The following ST6GALNAC3 variants were observed in gnomAD, a reference collection of about 807,000 sequenced individuals.
ST6GALNAC3 encodes ST6 N-acetylgalactosaminide alpha-2,6-sialyltransferase 3.
In ST6GALNAC3, 25 loss-of-function variants were observed where a neutral mutation model predicts 32.7. The observed-to-expected ratio is 0.76, with a 90% CI of 0.56 to 1.07. The LOEUF (loss-of-function observed/expected upper bound fraction) is 1.07, where lower values mean the gene tolerates loss of function less well. ST6GALNAC3 is among the 50% of genes least tolerant of loss of function. The probability of loss-of-function intolerance (pLI) is 0.00; values close to 1 mark genes in which losing one functional copy is unlikely to be tolerated. For synonymous variants in ST6GALNAC3, 129 were observed against 133.1 expected, an observed-to-expected ratio of 0.97 and a Z score of 0.21; for missense variants, 355 against 382.4, an observed-to-expected ratio of 0.93 and a Z score of 0.60.
chr1:76,393,127 A>G (rs1429554704), intron 2 of ST6GALNAC3, among the ~76,000 whole-genome samples: 4 of 152,222 alleles, frequency 2.6e-5, no homozygotes, highest in African/African-American at 7.2e-5. Context: ...GAGGAAATCT[A>G]TTGTGAAGTT....
chr1:76,101,163 C>T (rs1647215736), intron 1 of ST6GALNAC3, among the ~76,000 whole-genome samples: 1 of 152,078 alleles, frequency 6.6e-6, no homozygotes, highest in Non-Finnish European at 1.5e-5. Flanking sequence ...GCCTATCCAT[C>T]CCTCCCTTCT....
chr1:76,249,509 A>T, intron 1 of ST6GALNAC3, among the ~76,000 whole-genome samples: 1 of 152,032 alleles, frequency 6.6e-6, no homozygotes, highest in East Asian at 1.9e-4. Context: ...CTATAAAGTT[A>T]CCATATCTTT....
intron 2 of ST6GALNAC3, among the ~76,000 whole-genome samples, chr1:76,405,030 G>A (rs138278023): frequency 4.5e-4 from 69 of 152,154 alleles, no homozygotes; most frequent in African/African-American, 1.5e-3. Flanking sequence ...TTCATTTTCC[G>A]GATGGGGCTA....
intron 1 of ST6GALNAC3, among the ~76,000 whole-genome samples, chr1:76,231,971 C>T (rs995871963): frequency 2.0e-5 from 3 of 152,168 alleles, no homozygotes; most frequent in Non-Finnish European, 4.4e-5. Flanking sequence ...AAACACCTAA[C>T]TGAATTTTGA....
intron 1 of ST6GALNAC3, among the ~76,000 whole-genome samples, chr1:76,289,092 T>C (rs1286711335): frequency 6.6e-6 from 1 of 152,236 alleles, no homozygotes; most frequent in Non-Finnish European, 1.5e-5. Context: ...CCCACTTGTG[T>C]TCCTGAAACC....
At chr1:76,234,545 T>C (rs1267706789) in intron 1 of ST6GALNAC3, among the ~76,000 whole-genome samples, 1 of 152,230 alleles carries the variant, frequency 6.6e-6, no homozygotes, top group East Asian at 1.9e-4. Flanking sequence ...TAAAGCCTTA[T>C]GTGCTATATA....
At position 76,440,711 on chromosome 1, in the gene ST6GALNAC3, C is replaced by G. The variant is rs7539009; in HGVS notation, c.623+28294C>G. Among the ~76,000 whole-genome samples the G allele has an allele frequency of 2.5e-3, 379 of 152,226 alleles. 2 individuals are homozygous for G. Among genetic ancestry groups the G allele is most frequent in the African/African-American group, 8.6e-3 (358 of 41,526 alleles). On this transcript the variant is annotated intron_variant, in intron 3 of 4. Transcript: ENST00000328299. ...ATGGAAATTTTAAACTTGTTTTTAT[C>G]ATGAGAGTCCCTGTCTGGCAATAAT... is the stretch of plus-strand genomic sequence containing the variant.
intron 3 of ST6GALNAC3, among the ~76,000 whole-genome samples, chr1:76,607,311 T>C: frequency 6.6e-6 from 1 of 152,188 alleles, no homozygotes; most frequent in East Asian, 1.9e-4. Flanking sequence ...AGAGGTTTTA[T>C]GGTGGTTCCA....
intron 2 of ST6GALNAC3, among the ~76,000 whole-genome samples, chr1:76,357,789 G>C (rs1649605575): frequency 6.6e-6 from 1 of 152,138 alleles, no homozygotes; most frequent in Admixed American, 6.5e-5. Flanking sequence ...GTGCTCAGTG[G>C]TATTTTCAAT....
At chr1:76,461,947 G>A (rs377531266) in intron 3 of ST6GALNAC3, among the ~76,000 whole-genome samples, 25 of 152,232 alleles carry the variant, frequency 1.6e-4, no homozygotes, top group East Asian at 1.2e-3. Context: ...AGCAAGCTGG[G>A]CAGGGTCTTG....
intron 1 of ST6GALNAC3, chr1:76,306,021 C>A: frequency 2.3e-6 from 1 of 442,492 alleles, no homozygotes; most frequent in Non-Finnish European, 4.6e-6. Flanking sequence ...TGGTACCAGC[C>A]TTAGGTAGAT....
intron 3 of ST6GALNAC3, chr1:76,413,126 C>T: frequency 5.3e-6 from 1 of 188,612 alleles, no homozygotes; most frequent in South Asian, 8.4e-5. Flanking sequence ...CTGCTTTCCC[C>T]TCCCCTTCCT....
intron 1 of ST6GALNAC3, among the ~76,000 whole-genome samples, chr1:76,227,699 G>A (rs1193417755): frequency 6.6e-6 from 1 of 152,164 alleles, no homozygotes; most frequent in African/African-American, 2.4e-5. Flanking sequence ...CTGACTTATA[G>A]TTTAAAAGTC....
chr1:76,521,208 T>C (rs922521906), intron 3 of ST6GALNAC3, among the ~76,000 whole-genome samples: 3 of 152,034 alleles, frequency 2.0e-5, no homozygotes, highest in African/African-American at 7.2e-5. Flanking sequence ...GGTATTATTG[T>C]CATGTATTTT....
intron 1 of ST6GALNAC3, among the ~76,000 whole-genome samples, chr1:76,201,759 C>T (rs922774903): frequency 5.9e-5 from 9 of 151,994 alleles, no homozygotes; most frequent in Admixed American, 5.2e-4. Flanking sequence ...AATCGCAGGC[C>T]TCTGCAGAAA....
intron 3 of ST6GALNAC3, among the ~76,000 whole-genome samples, chr1:76,601,119 C>A (rs192490701): frequency 9.9e-4 from 151 of 152,028 alleles, no homozygotes; most frequent in African/African-American, 3.5e-3. Flanking sequence ...GATCATTTGA[C>A]CTGGGAAGTG....
chr1:76,417,496 T>A (rs1300433814), intron 3 of ST6GALNAC3, among the ~76,000 whole-genome samples: 1 of 152,124 alleles, frequency 6.6e-6, no homozygotes, highest in Non-Finnish European at 1.5e-5. Context: ...GGAAATGCTG[T>A]AGGGCTGATA....
At chr1:76,420,392 A>G (rs1654951505) in intron 3 of ST6GALNAC3, among the ~76,000 whole-genome samples, 1 of 152,070 alleles carries the variant, frequency 6.6e-6, no homozygotes, top group Admixed American at 6.6e-5. Context: ...CAAATTAATA[A>G]TGGGGCTCAG....
chr1:76,214,083 GA>G (rs1655326096), intron 1 of ST6GALNAC3, among the ~76,000 whole-genome samples: 1 of 152,160 alleles, frequency 6.6e-6, no homozygotes, highest in African/African-American at 2.4e-5. Flanking sequence ...TCCCCTTTGA[GA>G]GGTAGTCAAT....
Sources: allele counts gnomAD v4.1 joint callset (sites outside exome capture counted in the v4.1 genomes callset), GRCh38; gene constraint gnomAD v4.1.1; transcripts MANE v1.5; gene names NCBI Gene and HGNC (gene_info 2026-07-23, HGNC 2026-07-21).